CNBD1: variants seen among roughly 807,000 people sequenced by gnomAD.
CNBD1 encodes the protein cyclic nucleotide-binding domain-containing protein 1.
A neutral mutation model predicts 54.4 loss-of-function variants in CNBD1; 71 were observed. The observed-to-expected ratio is 1.30, with a 90% CI of 1.08 to 1.59. The LOEUF is 1.59. CNBD1 is among the 40% of genes most tolerant of loss of function. CNBD1 has a pLI of 0.00. For missense variants in CNBD1, 659 were observed against 518.0 expected (o/e 1.27, Z -2.64); for synonymous variants, 182 against 170.7 (o/e 1.07, Z -0.51).
chr8:86,871,451 TTTAACTC>T (rs1808442469), intron 1 of CNBD1, among the ~76,000 whole-genome samples: 1 of 152,244 alleles, frequency 6.6e-6, no homozygotes, highest in Non-Finnish European at 1.5e-5. Context: ...TTTTGATAAC[TTTAACTC>T]TACACTCAAA....
intron 4 of CNBD1, among the ~76,000 whole-genome samples, chr8:87,124,850 G>T (rs2130719674): frequency 6.6e-6 from 1 of 151,852 alleles, no homozygotes. Flanking sequence ...AGGGAAGAAA[G>T]AAGTAAAATT....
chr8:86,868,318 TGTAA>T (rs1808392565), intron 1 of CNBD1, among the ~76,000 whole-genome samples: 2 of 152,052 alleles, frequency 1.3e-5, no homozygotes, highest in South Asian at 4.2e-4. Context: ...TCACCTTCTC[TGTAA>T]GTATTTATTT....
At chr8:87,215,959 A>G (rs1368132881) in intron 5 of CNBD1, among the ~76,000 whole-genome samples, 1 of 152,144 alleles carries the variant, frequency 6.6e-6, no homozygotes, top group Non-Finnish European at 1.5e-5. Flanking sequence ...TATTCTGAAC[A>G]TTTTGCATGA....
intron 4 of CNBD1, among the ~76,000 whole-genome samples, chr8:87,043,892 A>G (rs1810125896): frequency 6.6e-6 from 1 of 152,062 alleles, no homozygotes; most frequent in East Asian, 1.9e-4. Context: ...CTTCCTCCCC[A>G]TCCCACTGTC....
At chr8:87,407,909 C>A (rs4131947) in intron 2 of CNBD1, among the ~76,000 whole-genome samples, 1 of 151,824 alleles carries the variant, frequency 6.6e-6, no homozygotes, top group African/African-American at 2.4e-5. Flanking sequence ...GCAAAATCCT[C>A]TCCCTTTTGA....
At chr8:87,067,777 C>T (rs550900998) in intron 4 of CNBD1, among the ~76,000 whole-genome samples, 4 of 151,736 alleles carry the variant, frequency 2.6e-5, no homozygotes, top group South Asian at 2.1e-4. Flanking sequence ...CTTTAAAGTG[C>T]GATTGATCTC....
chr8:87,379,445 A>C (rs1170175421), intron 10 of CNBD1, among the ~76,000 whole-genome samples: 2 of 151,854 alleles, frequency 1.3e-5, no homozygotes, highest in Non-Finnish European at 2.9e-5. Context: ...TCAGCACCAC[A>C]CCACACCTAT....
At chr8:87,375,824 C>G (rs1400291558) in intron 10 of CNBD1, among the ~76,000 whole-genome samples, 1 of 151,852 alleles carries the variant, frequency 6.6e-6, no homozygotes, top group East Asian at 1.9e-4. Flanking sequence ...AATTCCGTCA[C>G]TAAATACTTT....
At position 87,274,365 on chromosome 8, in the gene CNBD1, G is replaced by A. The variant is rs1378953954; in HGVS notation, c.772-10313G>A. Among the ~76,000 whole-genome samples the A allele has an allele frequency of 2.0e-5, 3 of 148,270 alleles. No individual in the cohort carries two copies. In the East Asian group the frequency reaches 5.9e-4, roughly 29 times the overall value. ...CGCCACACTGACTTCCACAGTGGTT[G>A]AACTAGTTTACAGTCCCACCAACAG... On this transcript the variant is annotated intron_variant, in intron 6 of 10. Coordinates refer to ENST00000518476, the MANE Select transcript of CNBD1 (RefSeq NM_173538.3).
In CNBD1 at chr8:87,276,461, AAT is replaced by A. The variant is rs566328600; in HGVS notation, c.772-8216_772-8215del. Among the ~76,000 whole-genome samples, 477 of 151,948 alleles carry A rather than the reference AAT, an allele frequency of 3.1e-3. 2 individuals are homozygous for A. The highest frequency in any genetic ancestry group is 0.011 in the African/African-American group (445 of 41,512). ...CATGGTCTGGTTGCTTGTTCTGAAT[AAT>A]TTTGTTACTCACTTCATAATGCGTT... On this transcript the variant is annotated intron_variant, in intron 6 of 10. Coordinates refer to ENST00000518476, the MANE Select transcript of CNBD1 (RefSeq NM_173538.3).
At position 86,939,636 on chromosome 8, in the gene CNBD1, C is replaced by T. The variant is rs1809614552; in HGVS notation, c.313C>T (p.Pro105Ser). The change falls in exon 4 of 11, where the codon CCT becomes TCT. Residue 105 changes from proline (P) to serine (S), a missense_variant. Physicochemically the swap from Pro to Ser is moderately conservative, Grantham distance 74. Coordinates refer to ENST00000518476, the MANE Select transcript of CNBD1 (RefSeq NM_173538.3). ...EGKEESQHQQ[P>S]DDSNNIAVHV... is the part of the protein sequence containing the mutation. ...CAAAGAGGAAAGTCAACATCAACAA[C>T]CTGATGATTCTAACAATATAGCTGT... 6.3e-7 allele frequency: 1 copy of T among 1,599,566 alleles called. No homozygotes were observed. Among genetic ancestry groups the T allele is most frequent in the South Asian group, 1.1e-5 (1 of 87,660 alleles).
chr8:87,367,584 TG>T (rs1810666610), intron 10 of CNBD1, among the ~76,000 whole-genome samples: 1 of 152,156 alleles, frequency 6.6e-6, no homozygotes, highest in Non-Finnish European at 1.5e-5. Flanking sequence ...GATTCTGAGC[TG>T]ATTCTCCCAC....
chr8:86,879,272 A>C (rs909730797), intron 1 of CNBD1, among the ~76,000 whole-genome samples: 1 of 152,164 alleles, frequency 6.6e-6, no homozygotes, highest in Non-Finnish European at 1.5e-5. Context: ...AGATGAATAG[A>C]AAATGGACCC....
intron 3 of CNBD1, among the ~76,000 whole-genome samples, chr8:86,909,529 G>T (rs564494273): frequency 1.4e-4 from 21 of 148,642 alleles, no homozygotes; most frequent in Admixed American, 5.4e-4. Flanking sequence ...TTGCAGTGTG[G>T]TTTTTTTTTT....
chr8:86,888,958 T>A (rs1217832207), intron 2 of CNBD1, among the ~76,000 whole-genome samples: 2 of 152,196 alleles, frequency 1.3e-5, no homozygotes, highest in African/African-American at 2.4e-5. Context: ...TCAGCCTTAC[T>A]CTTCCTGGAT....
chr8:87,412,800 A>G (rs191883092), intron 2 of CNBD1, among the ~76,000 whole-genome samples: 70 of 150,458 alleles, frequency 4.7e-4, no homozygotes, highest in African/African-American at 1.5e-3. Context: ...CAAGAAGAGG[A>G]GAAAAGAGGG....
chr8:86,912,304 A>G (rs1291854872), intron 3 of CNBD1, among the ~76,000 whole-genome samples: 1 of 152,214 alleles, frequency 6.6e-6, no homozygotes, highest in Non-Finnish European at 1.5e-5. Context: ...AAGGGTGCAG[A>G]CCAAAAATAA....
intron 8 of CNBD1, among the ~76,000 whole-genome samples, chr8:87,311,446 T>C (rs13282511): frequency 0.38 from 57,922 of 151,784 alleles, 11,312 homozygotes; most frequent in Middle Eastern, 0.45. Flanking sequence ...AGTCAAAAAA[T>C]AACAGATGCT....
chr8:87,413,574 C>T (rs1807784457), intron 2 of CNBD1, among the ~76,000 whole-genome samples: 1 of 151,960 alleles, frequency 6.6e-6, no homozygotes, highest in South Asian at 2.1e-4. Flanking sequence ...TTATTTATTG[C>T]TATTCTATCT....
Sources: gnomAD v4.1 joint callset for allele counts (sites outside exome capture counted in the v4.1 genomes callset) on GRCh38, gnomAD v4.1.1 for gene constraint, MANE v1.5 for transcripts, NCBI Gene and HGNC (gene_info 2026-07-23, HGNC 2026-07-21) for gene names.